CADM2: variants seen among roughly 807,000 people sequenced by gnomAD.
The protein encoded by CADM2 is immunoglobulin superfamily member 4D.
Under a neutral mutation model 49.8 loss-of-function variants are expected in CADM2, and 12 were observed. The ratio of observed to expected loss-of-function variants is 0.24; its 90% CI spans 0.15 to 0.39. The LOEUF is 0.39. Ranked by LOEUF, CADM2 falls within the 10% of genes least tolerant of loss-of-function variation. CADM2 has a pLI of 1.00. For synonymous variants in CADM2, 214 were observed against 175.4 expected (o/e 1.22, Z -1.74); for missense variants, 378 against 492.3 (o/e 0.77, Z 2.20).
chr3:85,529,575 C>A (rs56187922), intron 1 of CADM2, among the ~76,000 whole-genome samples: 78,055 of 151,884 alleles, frequency 0.51, 23,084 homozygotes, highest in East Asian at 0.85. Context: ...ATCATCTTGG[C>A]TCTCTCTTTG....
At chr3:85,695,076 T>C (rs2066509313) in intron 1 of CADM2, among the ~76,000 whole-genome samples, 1 of 152,208 alleles carries the variant, frequency 6.6e-6, no homozygotes, top group African/African-American at 2.4e-5. Flanking sequence ...TTTATTCCCA[T>C]AGTATCAGAT....
At chr3:85,181,908 C>T (rs867847750) in intron 1 of CADM2, among the ~76,000 whole-genome samples, 1 of 148,626 alleles carries the variant, frequency 6.7e-6, no homozygotes, top group Non-Finnish European at 1.5e-5. Context: ...TGATATAAAT[C>T]GATATGACTA....
At chr3:85,250,741 C>A (rs1255015069) in intron 1 of CADM2, among the ~76,000 whole-genome samples, 1 of 151,612 alleles carries the variant, frequency 6.6e-6, no homozygotes, top group Non-Finnish European at 1.5e-5. Flanking sequence ...TCTGTTTTTA[C>A]AGATGGATAA....
At chr3:85,437,735 A>G (rs2036999015) in intron 1 of CADM2, among the ~76,000 whole-genome samples, 1 of 151,988 alleles carries the variant, frequency 6.6e-6, no homozygotes, top group Admixed American at 6.6e-5. Flanking sequence ...ATGAGATTCA[A>G]ACCTCCATAT....
chr3:85,802,761 T>C (rs2108079604), intron 3 of CADM2, among the ~76,000 whole-genome samples: 1 of 152,238 alleles, frequency 6.6e-6, no homozygotes, highest in East Asian at 1.9e-4. Context: ...TCTTACTGGA[T>C]AATAGATTTT....
intron 1 of CADM2, among the ~76,000 whole-genome samples, chr3:85,196,175 C>T (rs1364058981): frequency 6.6e-6 from 1 of 151,982 alleles, no homozygotes; most frequent in East Asian, 1.9e-4. Context: ...TTTTCTACCT[C>T]CAGCTCGTCT....
intron 1 of CADM2, among the ~76,000 whole-genome samples, chr3:85,259,200 A>G (rs1336061460): frequency 6.6e-6 from 1 of 152,288 alleles, no homozygotes; most frequent in Non-Finnish European, 1.5e-5. Context: ...ACAAAAGCAC[A>G]GTCAAGTCAT....
intron 1 of CADM2, among the ~76,000 whole-genome samples, chr3:85,662,718 C>A (rs1453572551): frequency 6.6e-6 from 1 of 151,988 alleles, no homozygotes. Context: ...TCGTTGACAC[C>A]TTTTCTTCCC....
chr3:85,478,069 A>C (rs1454817001), intron 1 of CADM2, among the ~76,000 whole-genome samples: 1 of 151,952 alleles, frequency 6.6e-6, no homozygotes, highest in African/African-American at 2.4e-5. Flanking sequence ...TTAAAATGAA[A>C]GCTCTTCAAA....
intron 7 of CADM2, among the ~76,000 whole-genome samples, chr3:85,938,997 G>A (rs1721507929): frequency 6.6e-6 from 1 of 151,964 alleles, no homozygotes; most frequent in Non-Finnish European, 1.5e-5. Context: ...GAGTAATTAG[G>A]TATATTGGTA....
intron 1 of CADM2, among the ~76,000 whole-genome samples, chr3:85,376,512 G>A (rs905557873): frequency 3.9e-5 from 6 of 152,022 alleles, no homozygotes; most frequent in Non-Finnish European, 7.4e-5. Context: ...GAAACTAATA[G>A]AAAGTATTCA....
At chr3:85,450,389 G>A (rs374203399) in intron 1 of CADM2, among the ~76,000 whole-genome samples, 6 of 151,778 alleles carry the variant, frequency 4.0e-5, no homozygotes, top group South Asian at 2.1e-4. Context: ...ACATAAATAC[G>A]CATACATGAG....
At chr3:86,042,927 A>C (rs1319568262) in intron 8 of CADM2, among the ~76,000 whole-genome samples, 1 of 152,168 alleles carries the variant, frequency 6.6e-6, no homozygotes, top group Non-Finnish European at 1.5e-5. Context: ...GGTTCAACAT[A>C]TGCAAATCAA....
intron 1 of CADM2, among the ~76,000 whole-genome samples, chr3:85,289,586 T>C (rs1357755014): frequency 6.6e-6 from 1 of 152,210 alleles, no homozygotes; most frequent in East Asian, 1.9e-4. Context: ...AATTGATTTG[T>C]TAATTGCTGA....
chr3:85,273,156 T>G (rs2043281410), intron 1 of CADM2, among the ~76,000 whole-genome samples: 1 of 151,216 alleles, frequency 6.6e-6, no homozygotes, highest in South Asian at 2.1e-4. Flanking sequence ...AGATCATGCT[T>G]AGTATGTTTA....
chr3:85,836,387 A>G (rs761435136), intron 3 of CADM2, among the ~76,000 whole-genome samples: 3 of 151,694 alleles, frequency 2.0e-5, no homozygotes, highest in Non-Finnish European at 3.0e-5. Context: ...GATTCTTTCT[A>G]TCTTCTACTG....
At chr3:85,906,728 C>T (rs761971956) in intron 5 of CADM2, among the ~76,000 whole-genome samples, 4 of 152,120 alleles carry the variant, frequency 2.6e-5, no homozygotes, top group Admixed American at 6.6e-5. Context: ...ATGTGGTTAC[C>T]AGACTTTAAA....
chr3:85,989,435 G>A (rs1293549148), intron 8 of CADM2, among the ~76,000 whole-genome samples: 5 of 152,092 alleles, frequency 3.3e-5, no homozygotes, highest in African/African-American at 1.2e-4. Flanking sequence ...CTGGGGGACA[G>A]GGGACCAAAA....
chr3:85,324,451 C>A (rs2044695698), intron 1 of CADM2, among the ~76,000 whole-genome samples: 1 of 152,094 alleles, frequency 6.6e-6, no homozygotes, highest in South Asian at 2.1e-4. Context: ...AAGGACTCTG[C>A]ATGCCGTCTG....
Sources: gnomAD v4.1 joint callset for allele counts (sites outside exome capture counted in the v4.1 genomes callset) on GRCh38, gnomAD v4.1.1 for gene constraint, MANE v1.5 for transcripts, NCBI Gene and HGNC (gene_info 2026-07-23, HGNC 2026-07-21) for gene names.